Variants in RPH3AL observed in about 807,000 individuals in gnomAD.
RPH3AL encodes the protein rabphilin 3A like (without C2 domains), also known as rab effector Noc2.
Under a neutral mutation model 43.1 loss-of-function variants are expected in RPH3AL, and 38 were observed. The ratio of observed to expected loss-of-function variants is 0.88; its 90% confidence interval spans 0.68 to 1.15. The LOEUF (loss-of-function observed/expected upper bound fraction) is 1.15, where lower values mean the gene tolerates loss of function less well. Among genes scored for constraint, RPH3AL ranks in the 50% most tolerant of loss-of-function variants. The pLI, the probability that RPH3AL is intolerant of heterozygous loss-of-function variation, is 0.00. For synonymous variants in RPH3AL, 189 were observed against 176.3 expected (o/e 1.07, Z -0.57); for missense variants, 462 against 423.2 (o/e 1.09, Z -0.81).
chr17:317,430 T>C (rs1372294458), intron 5 of RPH3AL, among the ~76,000 whole-genome samples: 1 of 147,258 alleles, frequency 6.8e-6, no homozygotes, highest in Non-Finnish European at 1.5e-5. Flanking sequence ...CACACCTCCA[T>C]TGACCTGTAG....
chr17:349,762 G>A (rs1290313296), intron 1 of RPH3AL, among the ~76,000 whole-genome samples: 1 of 152,140 alleles, frequency 6.6e-6, no homozygotes, highest in African/African-American at 2.4e-5. Context: ...TTCCAAAAAT[G>A]TCTTCCAGTA....
At chr17:305,004 CAGGGCGAGAGGGGG>C (rs1555566899) in intron 5 of RPH3AL, among the ~76,000 whole-genome samples, 2 of 40,382 alleles carry the variant, frequency 5.0e-5, no homozygotes, top group East Asian at 5.0e-4. Context: ...CGAGAGGGGA[CAGGGCGAGAGGGGG>C]ACAGGGCGGG....
chr17:302,867 T>C (rs1012062719), intron 5 of RPH3AL, among the ~76,000 whole-genome samples: 3 of 152,332 alleles, frequency 2.0e-5, no homozygotes, highest in Non-Finnish European at 4.4e-5. Flanking sequence ...CTGCGAACAT[T>C]TGTGTGAGTG....
chr17:253,433 T>C (rs1446220448), intron 6 of RPH3AL, among the ~76,000 whole-genome samples: 2 of 152,324 alleles, frequency 1.3e-5, no homozygotes, highest in African/African-American at 4.8e-5. Context: ...CCTCAGCTCA[T>C]GGACTTCCGA....
At chr17:331,466 C>T in intron 2 of RPH3AL, 1 of 880,444 alleles carries the variant, frequency 1.1e-6, no homozygotes, top group East Asian at 6.4e-5. Context: ...CAGGCCCCGG[C>T]TCTGGGACGG....
Position 215,753 on chromosome 17 carries a change from G to A in RPH3AL, c.777C>T (p.His259=), listed in dbSNP as rs1305853745. The A allele has an allele frequency of 4.6e-6, 6 of 1,307,046 alleles. No individual in the cohort carries two copies. The highest frequency in any genetic ancestry group is 3.1e-5 in the East Asian group (1 of 31,984). The allele number at this position is 1,307,046 out of a possible 1,614,324, so 81.0% of individuals were successfully genotyped here. The stretch of plus-strand genomic sequence containing the variant: ...CCAGGCTGCTCTGGCACCCAGAGAG[G>A]TGGCCCGGCGGGTGGGTGAACCCCA... ...PRMGFTHPPG[H]LSGCQSSLAS... Residue 259 remains histidine, a synonymous_variant, in exon 9 of 10, where the codon CAC becomes CAT. Coordinates refer to ENST00000331302, the MANE Select transcript of RPH3AL (RefSeq NM_006987.4). This position sits in a 1 kb window ranked among gnomAD's most constrained non-coding sequence, Gnocchi z 4.1.
At chr17:214,402 G>A (rs1349158516) in intron 9 of RPH3AL, among the ~76,000 whole-genome samples, 1 of 152,144 alleles carries the variant, frequency 6.6e-6, no homozygotes, top group Non-Finnish European at 1.5e-5. Flanking sequence ...AATAGAACTG[G>A]GCACAGAGAG....
rs562222599 is a variant in RPH3AL at position 328,163 on chromosome 17, A to T, written c.-36-584T>A. On this transcript the variant is annotated intron_variant, in intron 2 of 9. Coordinates refer to ENST00000331302, the MANE Select transcript of RPH3AL (RefSeq NM_006987.4). This position sits in a 1 kb window ranked among gnomAD's most constrained non-coding sequence, Gnocchi z 4.2. ...CACCATGCCAAGGGGAGCCGTCCAT[A>T]GACACTGCCATGAAAATGGCACCTG... Among the ~76,000 whole-genome samples, 17 of 152,070 alleles carry T rather than the reference A, an allele frequency of 1.1e-4. No individual in the cohort carries two copies. Among genetic ancestry groups the T allele is most frequent in the African/African-American group, 3.9e-4 (16 of 41,494 alleles).
intron 5 of RPH3AL, among the ~76,000 whole-genome samples, chr17:316,032 A>G (rs1285772533): frequency 8.2e-5 from 12 of 146,298 alleles, no homozygotes; most frequent in Admixed American, 1.4e-4. Flanking sequence ...CCCCACCTCC[A>G]TTGACCTGTA....
At position 290,449 on chromosome 17, in the gene RPH3AL, C is replaced by T. The variant is rs929773167; in HGVS notation, c.352-8595G>A. 6.6e-6 allele frequency among the ~76,000 whole-genome samples: 1 copy of T among 152,192 alleles called. No individual in the cohort carries two copies. Among genetic ancestry groups the T allele is most frequent in the African/African-American group, 2.4e-5 (1 of 41,456 alleles). On this transcript the variant is annotated intron_variant, in intron 5 of 9. Coordinates refer to ENST00000331302, the MANE Select transcript of RPH3AL (RefSeq NM_006987.4). The surrounding 1 kb of genome is among the most constrained non-coding windows in gnomAD (Gnocchi z 4.2). ...CCATGACGGCTCCTGCCTGCCTCCCCCGGGGTGCGTGCCGCGGCCGCCTAT... is the reference window on the plus strand; with the variant it reads ...CCATGACGGCTCCTGCCTGCCTCCCTCGGGGTGCGTGCCGCGGCCGCCTAT...
chr17:314,512 G>C (rs564196240), intron 5 of RPH3AL, among the ~76,000 whole-genome samples: 59 of 146,890 alleles, frequency 4.0e-4, no homozygotes, highest in African/African-American at 1.4e-3. Context: ...CACGTCCATT[G>C]ACCTGTAGTC....
rs144569343 is a variant in RPH3AL, at chr17:286,486, C to T, written c.352-4632G>A. ...AGGCGAGGGCTACGGAAAGACGACACGCTCCCACTCAAATAACACATAATT... is the reference window on the plus strand; with the variant it reads ...AGGCGAGGGCTACGGAAAGACGACATGCTCCCACTCAAATAACACATAATT... On this transcript the variant is annotated intron_variant, in intron 5 of 9. Coordinates refer to ENST00000331302, the MANE Select transcript of RPH3AL (RefSeq NM_006987.4). Among the ~76,000 whole-genome samples the T allele has an allele frequency of 4.1e-3, 619 of 152,296 alleles. 6 individuals are homozygous for T. Among genetic ancestry groups the T allele is most frequent in the African/African-American group, 0.014 (590 of 41,560 alleles).
At chr17:315,691 C>G (rs2044043467) in intron 5 of RPH3AL, among the ~76,000 whole-genome samples, 1 of 152,262 alleles carries the variant, frequency 6.6e-6, no homozygotes, top group Non-Finnish European at 1.5e-5. Flanking sequence ...GTGACCCCAC[C>G]TCCATTGACC....
chr17:288,861 A>T (rs796547418), intron 5 of RPH3AL, among the ~76,000 whole-genome samples: 11 of 28,480 alleles, frequency 3.9e-4, no homozygotes, highest in Admixed American at 8.1e-4. Context: ...CAGACCTCGC[A>T]CCCTCTCTCT....
chr17:289,956 C>A lies in RPH3AL; in HGVS notation c.352-8102G>T, dbSNP rs72806031. On this transcript the variant is annotated intron_variant, in intron 5 of 9. Coordinates refer to ENST00000331302, the MANE Select transcript of RPH3AL (RefSeq NM_006987.4). The surrounding 1 kb of genome is among the most constrained non-coding windows in gnomAD (Gnocchi z 5.2). ...CCTCCGCTGTGTGGCTGCAGGGCTC[C>A]TGTGACTTCCCCTGCTGGGCCGTCA... is the stretch of plus-strand genomic sequence containing the variant. Among the ~76,000 whole-genome samples the A allele has an allele frequency of 4.1e-3, 623 of 152,172 alleles. 9 individuals are homozygous for A. The highest frequency in any genetic ancestry group is 0.014 in the African/African-American group (593 of 41,520).
At chr17:300,115 C>T (rs2043289318) in intron 5 of RPH3AL, among the ~76,000 whole-genome samples, 1 of 49,214 alleles carries the variant, frequency 2.0e-5, no homozygotes, top group Admixed American at 2.1e-4. Flanking sequence ...CCCGCAGAAT[C>T]TCTCACCCGC....
chr17:272,744 C>G (rs557406972), intron 6 of RPH3AL, among the ~76,000 whole-genome samples: 2 of 142,940 alleles, frequency 1.4e-5, no homozygotes, highest in African/African-American at 2.5e-5. Flanking sequence ...TACCCTAGAA[C>G]TTAAAGTATT....
intron 5 of RPH3AL, among the ~76,000 whole-genome samples, chr17:314,298 C>A (rs1015018239): frequency 6.6e-6 from 1 of 151,920 alleles, no homozygotes; most frequent in Non-Finnish European, 1.5e-5. Context: ...ATATTCACAG[C>A]AGCTGTGGGG....
chr17:300,363 C>CA (rs2043297559), intron 5 of RPH3AL, among the ~76,000 whole-genome samples: 1 of 36,208 alleles, frequency 2.8e-5, no homozygotes, highest in African/African-American at 1.6e-4. Flanking sequence ...CCCGCTCTAG[C>CA]AGGGGCTGGC....
Sources: allele counts gnomAD v4.1 joint callset (sites outside exome capture counted in the v4.1 genomes callset), GRCh38; gene constraint gnomAD v4.1.1; non-coding constraint Gnocchi (gnomAD v3.1); transcripts MANE v1.5; gene names NCBI Gene and HGNC (gene_info 2026-07-23, HGNC 2026-07-21).